Variants in PBX1 observed in about 807,000 individuals in gnomAD.
The protein encoded by PBX1 is PBX homeobox 1.
PBX1 carries 6 observed loss-of-function variants against 53.4 expected under a neutral mutation model. The ratio of observed to expected loss-of-function variants is 0.11; its 90% confidence interval spans 0.06 to 0.22. The LOEUF is 0.22. PBX1 is among the 10% of genes least tolerant of loss of function. The pLI, the probability that PBX1 is intolerant of heterozygous loss-of-function variation, is 1.00. For missense variants in PBX1, 251 were observed against 551.4 expected (o/e 0.46, Z 5.46); for synonymous variants, 204 against 212.3 (o/e 0.96, Z 0.34).
At chr1:164,819,455 T>C (rs950333675) in intron 6 of PBX1, 1 of 152,130 alleles carries the variant, frequency 6.6e-6, no homozygotes, top group Non-Finnish European at 1.5e-5. Flanking sequence ...CTTACAGTCC[T>C]CAAGGTTCCT....
intron 2 of PBX1, among the ~76,000 whole-genome samples, chr1:164,692,482 C>T (rs1662547813): frequency 6.6e-6 from 1 of 152,146 alleles, no homozygotes; most frequent in African/African-American, 2.4e-5. Context: ...ATAGATAACA[C>T]AACCATCCAT....
At chr1:164,689,379 G>T (rs946955210) in intron 2 of PBX1, among the ~76,000 whole-genome samples, 2 of 150,604 alleles carry the variant, frequency 1.3e-5, no homozygotes, top group Non-Finnish European at 2.9e-5. Context: ...TGTGTATCTA[G>T]GACATTAATA....
intron 2 of PBX1, among the ~76,000 whole-genome samples, chr1:164,589,755 T>A (rs1441560084): frequency 6.6e-6 from 1 of 152,198 alleles, no homozygotes; most frequent in Admixed American, 6.5e-5. Context: ...TTCCTGTTCC[T>A]AAGATTGAAT....
At chr1:164,703,713 C>T (rs1663264379) in intron 2 of PBX1, among the ~76,000 whole-genome samples, 1 of 152,178 alleles carries the variant, frequency 6.6e-6, no homozygotes, top group Admixed American at 6.5e-5. Flanking sequence ...ACTGGCTGGA[C>T]TCCGTGTGCT....
At chr1:164,733,309 A>G (rs970598778) in intron 2 of PBX1, among the ~76,000 whole-genome samples, 1 of 152,136 alleles carries the variant, frequency 6.6e-6, no homozygotes, top group African/African-American at 2.4e-5. Context: ...GTATCCCACA[A>G]GGACAGAATG....
At chr1:164,783,517 T>G (rs1021673607) in intron 2 of PBX1, among the ~76,000 whole-genome samples, 3 of 152,204 alleles carry the variant, frequency 2.0e-5, no homozygotes, top group African/African-American at 7.2e-5. Context: ...CTATCCTGCT[T>G]TTTTATTCTT....
intron 2 of PBX1, among the ~76,000 whole-genome samples, chr1:164,729,876 C>T (rs1417435944): frequency 6.6e-6 from 1 of 152,162 alleles, no homozygotes; most frequent in Non-Finnish European, 1.5e-5. Flanking sequence ...CTGAATATTT[C>T]CTCTGCATCA....
chr1:164,779,443 G>T lies in PBX1; in HGVS notation c.266-13051G>T, dbSNP rs1182040194. Among the ~76,000 whole-genome samples, 3 of 152,142 alleles carry T rather than the reference G, an allele frequency of 2.0e-5. No individual in the cohort carries two copies. The East Asian group carries it at 5.8e-4, about 29-fold the overall frequency. On this transcript the variant is annotated intron_variant, in intron 2 of 8. Coordinates refer to ENST00000420696, the MANE Select transcript of PBX1 (RefSeq NM_002585.4). ...GTGCAGCCCAGTCACACTTTGTGCG[G>T]GTTGAGAGATTTTTATTTTAACTGA...
Position 164,640,556 on chromosome 1 carries a change from G to GTTTTTTTTTTTTTTTTTTTT in PBX1, c.265+77246_265+77247insTTTTTTTTTTTTTTTTTTTT, listed in dbSNP as rs1272033438. Among the ~76,000 whole-genome samples the GTTTTTTTTTTTTTTTTTTTT allele has an allele frequency of 1.3e-4, 4 of 30,680 alleles. 2 individuals are homozygous for GTTTTTTTTTTTTTTTTTTTT. Among genetic ancestry groups the GTTTTTTTTTTTTTTTTTTTT allele is most frequent in the Non-Finnish European group, 2.2e-4 (2 of 8,916 alleles). 20.1% of individuals were successfully genotyped at this position (30,680 alleles called of 152,430 possible). On this transcript the variant is annotated intron_variant, in intron 2 of 8. Coordinates refer to ENST00000420696, the MANE Select transcript of PBX1 (RefSeq NM_002585.4). ...CCTCGTTTTTTGGTGTTTTTTTTTT[G>GTTTTTTTTTTTTTTTTTTTT]TGTTTTTTTTTTTTTTTTTAGACGA...
At chr1:164,846,453 C>G in intron 8 of PBX1, 131 bp from the exon 9 acceptor site, 1 of 770,960 alleles carries the variant, frequency 1.3e-6, no homozygotes, top group Admixed American at 2.0e-5. Flanking sequence ...TAATAGTTGC[C>G]CATTTGATGA....
intron 2 of PBX1, among the ~76,000 whole-genome samples, chr1:164,579,605 GCA>G (rs749902183): frequency 1.3e-5 from 2 of 152,202 alleles, no homozygotes; most frequent in African/African-American, 4.8e-5. Context: ...CACACAGACA[GCA>G]CAGTCTGTCT....
chr1:164,775,531 C>G (rs1381011957), intron 2 of PBX1, among the ~76,000 whole-genome samples: 1 of 152,156 alleles, frequency 6.6e-6, no homozygotes, highest in Non-Finnish European at 1.5e-5. Flanking sequence ...CTCTGCCTAC[C>G]AGCCCATCTC....
Position 164,848,275 on chromosome 1 carries a change from C to T in PBX1, c.*1599C>T. 9.5e-7 allele frequency: 1 copy of T among 1,056,140 alleles called. No individual in the cohort carries two copies. The allele number at this position is 1,056,140 out of a possible 1,614,324, so 65.4% of individuals were successfully genotyped here. On this transcript the variant is annotated 3_prime_UTR_variant, in exon 9 of 9. Coordinates refer to ENST00000420696, the MANE Select transcript of PBX1 (RefSeq NM_002585.4). ...CTGAGCTCACCATCTTCATAGCCAA[C>T]CCTACCAGTTATAAAGATGGCAGCT...
chr1:164,743,897 T>C (rs958607271), intron 2 of PBX1, among the ~76,000 whole-genome samples: 10 of 152,326 alleles, frequency 6.6e-5, no homozygotes, highest in Non-Finnish European at 1.2e-4. Flanking sequence ...GTCCTATGGC[T>C]ACTCCTAGCT....
intron 2 of PBX1, among the ~76,000 whole-genome samples, chr1:164,750,244 A>C (rs960989554): frequency 6.6e-6 from 1 of 151,472 alleles, no homozygotes; most frequent in African/African-American, 2.4e-5. Context: ...TTTCTTACTA[A>C]AATGCATGTG....
At chr1:164,870,758 A>G (rs1270754362) in intron 2 of PBX1, among the ~76,000 whole-genome samples, 1 of 152,202 alleles carries the variant, frequency 6.6e-6, no homozygotes, top group Non-Finnish European at 1.5e-5. Context: ...AAAGTAAATC[A>G]AATAAATCAT....
chr1:164,652,300 TTAAA>T (rs1181068177), intron 2 of PBX1, among the ~76,000 whole-genome samples: 16 of 152,132 alleles, frequency 1.1e-4, no homozygotes, highest in Admixed American at 1.0e-3. Context: ...TCGTATAAAT[TTAAA>T]TAACCCCTGT....
chr1:164,700,441 G>A, intron 2 of PBX1: 12 of 985,110 alleles, frequency 1.2e-5, no homozygotes, highest in Non-Finnish European at 1.4e-5. Context: ...CTTTGGTTAC[G>A]TAGGGGAGGA....
At chr1:164,639,341 T>C (rs1426700254) in intron 2 of PBX1, among the ~76,000 whole-genome samples, 1 of 152,238 alleles carries the variant, frequency 6.6e-6, no homozygotes, top group East Asian at 1.9e-4. Flanking sequence ...ATGAAGAGCC[T>C]TTATTTCCTT....
Sources: allele counts gnomAD v4.1 joint callset (sites outside exome capture counted in the v4.1 genomes callset), GRCh38; gene constraint gnomAD v4.1.1; transcripts MANE v1.5; gene names NCBI Gene and HGNC (gene_info 2026-07-23, HGNC 2026-07-21).